Variants in ENOX2 observed in about 807,000 individuals in gnomAD.
The protein encoded by ENOX2 is APK1 antigen.
A neutral mutation model predicts 45.0 loss-of-function variants in ENOX2; 36 were observed. That is an observed-to-expected ratio of 0.80 (90% confidence interval 0.61 to 1.06). The LOEUF is 1.06. Among genes scored for constraint, ENOX2 ranks in the 50% least tolerant of loss-of-function variants. ENOX2 has a pLI of 0.00. For missense variants in ENOX2, 423 were observed against 462.5 expected (o/e 0.91, Z 0.78); for synonymous variants, 174 against 152.3 (o/e 1.14, Z -1.05).
rs750436484 is a variant in ENOX2, at chrX:130,785,749, T to C, written c.-182-2059A>G. 9.8e-5 allele frequency among the ~76,000 whole-genome samples: 11 copies of C among 112,629 alleles called. No individual in the cohort carries two copies. In the South Asian group the frequency reaches 4.0e-3, roughly 41 times the overall value. On this transcript the variant is annotated intron_variant, in intron 2 of 14. Transcript: ENST00000394363. The stretch of plus-strand genomic sequence containing the variant: ...CCAGAGTCAAATATGATTAATATAC[T>C]AGTCCAAAACTTTTCTTGGAATTTC...
At chrX:130,634,929 T>A in intron 12 of ENOX2, 55 bp downstream of exon 12, 1 of 628,314 alleles carries the variant, frequency 1.6e-6, no homozygotes, top group South Asian at 3.0e-5. Context: ...ATTTTCACTG[T>A]CACTGAAAAG....
At chrX:130,834,936 G>A (rs2077904128) in intron 2 of ENOX2, among the ~76,000 whole-genome samples, 1 of 111,479 alleles carries the variant, frequency 9.0e-6, no homozygotes, top group Admixed American at 9.6e-5. Context: ...TATAATGAAA[G>A]TGTCTCCTCC....
intron 2 of ENOX2, among the ~76,000 whole-genome samples, chrX:130,861,653 C>G (rs1159414378): frequency 9.0e-6 from 1 of 111,260 alleles, no homozygotes; most frequent in Admixed American, 9.5e-5. Flanking sequence ...AGGTATTAGT[C>G]AAAGGGTACA....
intron 10 of ENOX2, among the ~76,000 whole-genome samples, chrX:130,648,093 C>G (rs1756650589): frequency 9.0e-6 from 1 of 111,620 alleles, no homozygotes; most frequent in Non-Finnish European, 1.9e-5. Flanking sequence ...GGCAATTTGA[C>G]AAAGATATGA....
At chrX:130,816,678 G>T (rs760410628) in intron 2 of ENOX2, among the ~76,000 whole-genome samples, 1 of 111,663 alleles carries the variant, frequency 9.0e-6, no homozygotes, top group Non-Finnish European at 1.9e-5. Flanking sequence ...GGTAAATAAC[G>T]AAATTAAGGC....
chrX:130,693,807 A>G (rs2037680313), intron 4 of ENOX2, among the ~76,000 whole-genome samples: 1 of 112,011 alleles, frequency 8.9e-6, no homozygotes, highest in African/African-American at 3.2e-5. Context: ...CAGAAGGGAT[A>G]CTGTGCCCTT....
chrX:130,737,654 G>A (rs975409120), intron 3 of ENOX2, among the ~76,000 whole-genome samples: 1 of 112,076 alleles, frequency 8.9e-6, no homozygotes, highest in East Asian at 2.8e-4. Flanking sequence ...GGGATTTGGG[G>A]CTACAGCAGA....
chrX:130,857,837 C>T (rs2078338093), intron 2 of ENOX2, among the ~76,000 whole-genome samples: 1 of 111,340 alleles, frequency 9.0e-6, no homozygotes, highest in Non-Finnish European at 1.9e-5. Flanking sequence ...AAAAGTATTC[C>T]TTTAAACAGC....
chrX:130,871,728 A>G (rs1393695854), intron 2 of ENOX2, among the ~76,000 whole-genome samples: 1 of 111,276 alleles, frequency 9.0e-6, no homozygotes, highest in East Asian at 2.8e-4. Flanking sequence ...TAATACCATC[A>G]AACAGGTAAA....
rs367844924 is a variant in ENOX2, at chrX:130,631,579, G to A, written c.1420-3C>T. On this transcript the variant is annotated splice_polypyrimidine_tract_variant and splice_region_variant and intron_variant, in intron 12 of 14. Transcript: ENST00000394363. ...CACAGCCTAGAAGCACAGCTTTCCTGTGGACACAACATGCTTCTAGGTCAG... is the reference window on the plus strand; with the variant it reads ...CACAGCCTAGAAGCACAGCTTTCCTATGGACACAACATGCTTCTAGGTCAG... 6.4e-5 allele frequency: 71 copies of A among 1,117,193 alleles called. No individual in the cohort carries two copies. Among genetic ancestry groups the A allele is most frequent in the Non-Finnish European group, 8.4e-5 (68 of 811,023 alleles). The allele number at this position is 1,117,193 out of a possible 1,213,427, so 92.1% of individuals were successfully genotyped here.
intron 6 of ENOX2, among the ~76,000 whole-genome samples, chrX:130,675,068 G>A (rs1196929521): frequency 8.7e-4 from 92 of 105,298 alleles, no homozygotes; most frequent in Middle Eastern, 4.7e-3. Context: ...GAATAGTGCC[G>A]CAATAAACAT....
chrX:130,835,208 G>A (rs1462793355), intron 2 of ENOX2, among the ~76,000 whole-genome samples: 1 of 111,327 alleles, frequency 9.0e-6, no homozygotes, highest in African/African-American at 3.3e-5. Flanking sequence ...GGGAGGCGGT[G>A]GGGGGTGGAA....
chrX:130,863,254 A>G (rs1880607082), intron 2 of ENOX2, among the ~76,000 whole-genome samples: 1 of 112,533 alleles, frequency 8.9e-6, no homozygotes, highest in African/African-American at 3.2e-5. Context: ...GACCTCAGAC[A>G]TAAGCTAATC....
At chrX:130,800,980 A>G (rs1488921513) in intron 2 of ENOX2, among the ~76,000 whole-genome samples, 2 of 112,509 alleles carry the variant, frequency 1.8e-5, no homozygotes, top group Non-Finnish European at 3.8e-5. Context: ...TGAATAGTAC[A>G]ATCAAAATGG....
chrX:130,644,275 G>A lies in ENOX2; in HGVS notation c.1130-6865C>T, dbSNP rs151190315. ...CTAATAATCTAAGCTTTTACCTTAG[G>A]AAACTAAAACAAGAAGAACAAATTA... On this transcript the variant is annotated intron_variant, in intron 10 of 14. Coordinates refer to ENST00000394363, the MANE Select transcript of ENOX2 (RefSeq NM_006375.4). Among the ~76,000 whole-genome samples the A allele has an allele frequency of 1.8e-3, 204 of 111,876 alleles. 1 individual carries two copies. The East Asian group carries it at 0.019, about 11-fold the overall frequency.
chrX:130,742,245 CTTTTTTTTTTTT>C (rs67776619), intron 3 of ENOX2, among the ~76,000 whole-genome samples: 3 of 60,171 alleles, frequency 5.0e-5, no homozygotes, highest in African/African-American at 7.0e-5. Flanking sequence ...AGATAATTTC[CTTTTTTTTTTTT>C]TTTTTTTTTT....
chrX:130,626,692 T>C (rs1396011977), intron 14 of ENOX2, among the ~76,000 whole-genome samples: 1 of 111,591 alleles, frequency 9.0e-6, no homozygotes, highest in Non-Finnish European at 1.9e-5. Context: ...CAGAGGGAAA[T>C]GAGGGGGCAG....
At chrX:130,877,173 T>A (rs2078720416) in intron 2 of ENOX2, among the ~76,000 whole-genome samples, 1 of 111,770 alleles carries the variant, frequency 8.9e-6, no homozygotes, top group South Asian at 3.7e-4. Context: ...GAGTCATAAG[T>A]CCCAATAGTC....
intron 2 of ENOX2, among the ~76,000 whole-genome samples, chrX:130,793,197 A>G (rs2077071248): frequency 8.9e-6 from 1 of 112,668 alleles, no homozygotes; most frequent in Non-Finnish European, 1.9e-5. Context: ...CACTAAACAA[A>G]TGTCAATGCC....
Sources: allele counts gnomAD v4.1 joint callset (sites outside exome capture counted in the v4.1 genomes callset), GRCh38; gene constraint gnomAD v4.1.1; transcripts MANE v1.5; gene names NCBI Gene and HGNC (gene_info 2026-07-23, HGNC 2026-07-21).